Variants in SLC44A1 observed in about 807,000 individuals in gnomAD.
SLC44A1 encodes choline transporter-like protein 1.
In SLC44A1, 26 loss-of-function variants were observed where a neutral mutation model predicts 79.3. The ratio of observed to expected loss-of-function variants is 0.33; its 90% CI spans 0.24 to 0.46. The LOEUF (loss-of-function observed/expected upper bound fraction) is 0.46, where lower values mean the gene tolerates loss of function less well. Among genes scored for constraint, SLC44A1 ranks in the 20% least tolerant of loss-of-function variants. SLC44A1 has a pLI of 1.00. For missense variants in SLC44A1, 688 were observed against 798.1 expected (o/e 0.86, Z 1.66); for synonymous variants, 263 against 286.2 (o/e 0.92, Z 0.82).
At chr9:105,329,216 T>A (rs1365158560) in intron 3 of SLC44A1, among the ~76,000 whole-genome samples, 1 of 152,208 alleles carries the variant, frequency 6.6e-6, no homozygotes, top group Non-Finnish European at 1.5e-5. Context: ...TAAATTGATA[T>A]GAGGTAATAA....
chr9:105,434,076 GCCTGTAATC>G (rs1310681031), intron 15 of SLC44A1, among the ~76,000 whole-genome samples: 3 of 152,190 alleles, frequency 2.0e-5, no homozygotes, highest in Non-Finnish European at 4.4e-5. Flanking sequence ...GGTGGCTCAT[GCCTGTAATC>G]CCAGCACTTT....
At chr9:105,354,023 A>C (rs1174946403) in intron 5 of SLC44A1, among the ~76,000 whole-genome samples, 2 of 149,474 alleles carry the variant, frequency 1.3e-5, no homozygotes, top group Non-Finnish European at 3.0e-5. Flanking sequence ...ATTGACTTAG[A>C]AATTTACAGT....
chr9:105,415,245 A>T (rs1195442907), intron 15 of SLC44A1, among the ~76,000 whole-genome samples: 1 of 152,220 alleles, frequency 6.6e-6, no homozygotes, highest in Non-Finnish European at 1.5e-5. Flanking sequence ...CACAGTTTTG[A>T]GAAATCAGTG....
At chr9:105,403,457 T>C (rs1227653871) in intron 15 of SLC44A1, among the ~76,000 whole-genome samples, 1 of 152,030 alleles carries the variant, frequency 6.6e-6, no homozygotes, top group Non-Finnish European at 1.5e-5. Context: ...TAGATCTGTT[T>C]CTACTATGAG....
At chr9:105,426,883 A>C (rs540887437) in intron 15 of SLC44A1, among the ~76,000 whole-genome samples, 1 of 152,252 alleles carries the variant, frequency 6.6e-6, no homozygotes, top group Admixed American at 6.5e-5. Flanking sequence ...CATGACCCAA[A>C]GGTAAAGACA....
chr9:105,314,290 A>C (rs532239578), intron 3 of SLC44A1, among the ~76,000 whole-genome samples: 1 of 152,176 alleles, frequency 6.6e-6, no homozygotes, highest in Non-Finnish European at 1.5e-5. Context: ...TGGGTGCCTG[A>C]GATGGGAGAA....
At position 105,362,784 on chromosome 9, in the gene SLC44A1, ACTT is replaced by A. The variant is rs551917120; in HGVS notation, c.901-36_901-34del. The stretch of plus-strand genomic sequence containing the variant: ...ACTATTTTCGGTTTCTGTTTTCACT[ACTT>A]ATAATAATAACTGAAACCATTCTCT... On this transcript the variant is annotated intron_variant, in intron 8 of 15. Transcript: ENST00000374720. 1.4e-4 allele frequency: 205 copies of A among 1,464,868 alleles called. 2 individuals carry two copies. In the South Asian group the frequency reaches 2.8e-3, roughly 20 times the overall value. 90.7% of individuals were successfully genotyped at this position (1,464,868 alleles called of 1,614,324 possible).
intron 5 of SLC44A1, among the ~76,000 whole-genome samples, chr9:105,351,632 G>GAAAGAAAGAA (rs768336417): frequency 4.6e-4 from 47 of 101,378 alleles, no homozygotes; most frequent in Admixed American, 5.9e-4. Flanking sequence ...GAGAGAGAAA[G>GAAAGAAAGAA]AGAAAGAAAG....
intron 1 of SLC44A1, among the ~76,000 whole-genome samples, chr9:105,248,870 G>A (rs963619569): frequency 6.6e-6 from 1 of 152,210 alleles, no homozygotes; most frequent in African/African-American, 2.4e-5. Context: ...CAGTTTGAAT[G>A]AATCTTTTGA....
At chr9:105,415,086 C>T (rs1421602694) in intron 15 of SLC44A1, among the ~76,000 whole-genome samples, 1 of 152,128 alleles carries the variant, frequency 6.6e-6, no homozygotes, top group Non-Finnish European at 1.5e-5. Context: ...AGCTGCACAA[C>T]TTTGTGAAGG....
At chr9:105,246,702 C>A (rs562414299) in intron 1 of SLC44A1, among the ~76,000 whole-genome samples, 1 of 152,164 alleles carries the variant, frequency 6.6e-6, no homozygotes, top group South Asian at 2.1e-4. Flanking sequence ...AATTTACATT[C>A]CCTTTTGGTG....
chr9:105,419,838 C>T (rs1217255438), intron 15 of SLC44A1, among the ~76,000 whole-genome samples: 7 of 145,698 alleles, frequency 4.8e-5, no homozygotes, highest in Non-Finnish European at 1.0e-4. Flanking sequence ...CACTTGAACC[C>T]GGGAGTCAGA....
chr9:105,390,473 A>G lies in SLC44A1; in HGVS notation c.*1417A>G, dbSNP rs1226206488. The G allele has an allele frequency of 8.2e-6, 8 of 974,000 alleles. No homozygotes were observed. Among genetic ancestry groups the G allele is most frequent in the Non-Finnish European group, 9.7e-6 (8 of 823,782 alleles). The allele number at this position is 974,000 out of a possible 1,614,324, so 60.3% of individuals were successfully genotyped here. On this transcript the variant is annotated 3_prime_UTR_variant, in exon 16 of 16. Transcript: ENST00000374720. ...AAAAGCCTCAGCATTTTATCATTCC[A>G]TGGAAGGAGAATCTTTTGAAAGAAA...
At chr9:105,406,736 C>A (rs1341589282) in intron 15 of SLC44A1, among the ~76,000 whole-genome samples, 2 of 152,088 alleles carry the variant, frequency 1.3e-5, no homozygotes, top group Non-Finnish European at 2.9e-5. Flanking sequence ...AGCAAGACTT[C>A]ATCTCTTTAA....
chr9:105,393,735 G>A lies in SLC44A1; in HGVS notation c.*4679G>A. The A allele has an allele frequency of 1.0e-6, 1 of 985,028 alleles. No homozygotes were observed. The highest frequency in any genetic ancestry group is 1.2e-6 in the Non-Finnish European group (1 of 829,568). The allele number at this position is 985,028 out of a possible 1,614,324, so 61.0% of individuals were successfully genotyped here. On this transcript the variant is annotated 3_prime_UTR_variant, in exon 16 of 16. Coordinates refer to ENST00000374720, the MANE Select transcript of SLC44A1 (RefSeq NM_080546.5). Reference sequence around the variant, plus strand: ...TTTGTAAATTATATGGACAGAATGTGTTCTAAGGAAATTCGTTAGTAAATT... The same window carrying A: ...TTTGTAAATTATATGGACAGAATGTATTCTAAGGAAATTCGTTAGTAAATT...
At position 105,352,457 on chromosome 9, in the gene SLC44A1, T is replaced by C. The variant is rs529525664; in HGVS notation, c.501-3755T>C. Among the ~76,000 whole-genome samples the C allele has an allele frequency of 2.1e-4, 32 of 152,294 alleles. No homozygotes were observed. The South Asian group carries it at 5.8e-3, about 28-fold the overall frequency. Reference sequence around the variant, plus strand: ...ACAGTATGTTTGCCAAGGTAAGATATAATTTTCATATGAGGGACTAATTAA... The same window carrying C: ...ACAGTATGTTTGCCAAGGTAAGATACAATTTTCATATGAGGGACTAATTAA... On this transcript the variant is annotated intron_variant, in intron 5 of 15. Coordinates refer to ENST00000374720, the MANE Select transcript of SLC44A1 (RefSeq NM_080546.5).
intron 12 of SLC44A1, among the ~76,000 whole-genome samples, chr9:105,366,979 G>A (rs1367327411): frequency 6.6e-6 from 1 of 150,480 alleles, no homozygotes; most frequent in African/African-American, 2.5e-5. Context: ...CTATGATATT[G>A]GCCTGGGAAA....
intron 3 of SLC44A1, among the ~76,000 whole-genome samples, chr9:105,312,786 T>C (rs1366909838): frequency 1.3e-5 from 2 of 152,190 alleles, no homozygotes; most frequent in African/African-American, 4.8e-5. Flanking sequence ...TTTTTCCCCA[T>C]GTTTGTTAGC....
At chr9:105,373,420 G>GA (rs999753125) in intron 12 of SLC44A1, among the ~76,000 whole-genome samples, 11 of 151,486 alleles carry the variant, frequency 7.3e-5, no homozygotes, top group East Asian at 3.9e-4. Context: ...AAAAAGAATG[G>GA]AAAAAAAAAT....
Sources: allele counts gnomAD v4.1 joint callset (sites outside exome capture counted in the v4.1 genomes callset), GRCh38; gene constraint gnomAD v4.1.1; transcripts MANE v1.5; gene names NCBI Gene and HGNC (gene_info 2026-07-23, HGNC 2026-07-21).